Variants in CDH10 observed in about 807,000 individuals in gnomAD.
The protein encoded by CDH10 is cadherin 10.
A neutral mutation model predicts 73.1 loss-of-function variants in CDH10; 30 were observed. The ratio of observed to expected loss-of-function variants is 0.41; its 90% CI spans 0.31 to 0.56. The LOEUF (loss-of-function observed/expected upper bound fraction) is 0.56. CDH10 is among the 20% of genes least tolerant of loss of function. CDH10 has a pLI of 0.27. For missense variants in CDH10, 815 were observed against 973.7 expected (o/e 0.84, Z 2.17); for synonymous variants, 345 against 348.2 (o/e 0.99, Z 0.10).
intron 1 of CDH10, among the ~76,000 whole-genome samples, chr5:24,613,572 T>A (rs62349629): frequency 3.6e-5 from 5 of 140,400 alleles, no homozygotes; most frequent in Non-Finnish European, 6.3e-5. Context: ...ACCGTAAAAG[T>A]GAAAGAATGT....
At chr5:24,503,832 A>T (rs1742587435) in intron 8 of CDH10, among the ~76,000 whole-genome samples, 1 of 152,176 alleles carries the variant, frequency 6.6e-6, no homozygotes, top group Non-Finnish European at 1.5e-5. Context: ...GGCATATATG[A>T]TTAAATGTGA....
intron 1 of CDH10, among the ~76,000 whole-genome samples, chr5:24,615,987 G>A (rs1747113578): frequency 1.3e-5 from 2 of 152,016 alleles, no homozygotes; most frequent in East Asian, 1.9e-4. Flanking sequence ...AGCATGTCTT[G>A]TGTTTTAATT....
chr5:24,529,210 C>A (rs1481035612), intron 5 of CDH10, among the ~76,000 whole-genome samples: 1 of 151,950 alleles, frequency 6.6e-6, no homozygotes, highest in African/African-American at 2.4e-5. Context: ...AGTAGCCCTA[C>A]AATGGCATTC....
chr5:24,598,471 A>C (rs1579457779), intron 1 of CDH10, among the ~76,000 whole-genome samples: 2 of 152,118 alleles, frequency 1.3e-5, no homozygotes, highest in South Asian at 4.1e-4. Context: ...AGTATTTTTA[A>C]ATTGGATTGA....
chr5:24,567,703 T>C (rs1044886594), intron 2 of CDH10, among the ~76,000 whole-genome samples: 2 of 152,050 alleles, frequency 1.3e-5, no homozygotes, highest in Non-Finnish European at 2.9e-5. Flanking sequence ...ATTTGTATTT[T>C]CATGTAATTG....
At chr5:24,503,376 T>C (rs941301404) in intron 8 of CDH10, among the ~76,000 whole-genome samples, 2 of 152,218 alleles carry the variant, frequency 1.3e-5, no homozygotes, top group African/African-American at 2.4e-5. Context: ...TTAGCAAATT[T>C]GAACAGGTTT....
intron 2 of CDH10, chr5:24,578,392 C>A (rs1579834876): frequency 3.9e-6 from 1 of 258,242 alleles, no homozygotes; most frequent in Non-Finnish European, 8.4e-6. Flanking sequence ...TGTAGATGAC[C>A]AGAAGACACA....
chr5:24,512,047 T>G (rs1742934382), intron 5 of CDH10, among the ~76,000 whole-genome samples: 1 of 152,122 alleles, frequency 6.6e-6, no homozygotes, highest in Non-Finnish European at 1.5e-5. Flanking sequence ...CCAGGCCTAT[T>G]ACCTGGTCTA....
At chr5:24,619,418 C>A (rs1264828824) in intron 1 of CDH10, among the ~76,000 whole-genome samples, 1 of 152,156 alleles carries the variant, frequency 6.6e-6, no homozygotes, top group Non-Finnish European at 1.5e-5. Context: ...TGGTCTCAAT[C>A]TCCTGACCTC....
chr5:24,628,072 G>A (rs1280433981), intron 1 of CDH10, among the ~76,000 whole-genome samples: 1 of 152,116 alleles, frequency 6.6e-6, no homozygotes, highest in East Asian at 1.9e-4. Flanking sequence ...ACAAGATTAA[G>A]AGCAAATTGT....
intron 11 of CDH10, among the ~76,000 whole-genome samples, chr5:24,490,803 T>C (rs909204792): frequency 6.6e-6 from 1 of 152,186 alleles, no homozygotes; most frequent in African/African-American, 2.4e-5. Flanking sequence ...TAACTTTATT[T>C]TGTATATATG....
intron 5 of CDH10, among the ~76,000 whole-genome samples, chr5:24,533,525 T>C (rs991087934): frequency 2.6e-5 from 4 of 152,026 alleles, no homozygotes; most frequent in Non-Finnish European, 5.9e-5. Context: ...ATGTAAAATA[T>C]AATACTACTC....
intron 2 of CDH10, among the ~76,000 whole-genome samples, chr5:24,541,012 C>T (rs1257505012): frequency 3.3e-5 from 5 of 151,816 alleles, no homozygotes; most frequent in Admixed American, 3.3e-4. Context: ...CCTTACACTT[C>T]TTATGTTTTT....
intron 1 of CDH10, among the ~76,000 whole-genome samples, chr5:24,628,707 T>C (rs1747593560): frequency 6.6e-6 from 1 of 152,112 alleles, no homozygotes; most frequent in Admixed American, 6.6e-5. Flanking sequence ...TCAAGTTTCT[T>C]CACAAATGTA....
chr5:24,634,098 C>CA (rs962200539), intron 1 of CDH10, among the ~76,000 whole-genome samples: 21 of 151,452 alleles, frequency 1.4e-4, no homozygotes, highest in Admixed American at 1.3e-3. Flanking sequence ...TTCAGACATT[C>CA]AAAAAAACAC....
intron 5 of CDH10, among the ~76,000 whole-genome samples, chr5:24,521,553 G>A (rs781292523): frequency 1.1e-4 from 17 of 151,818 alleles, no homozygotes; most frequent in South Asian, 4.2e-4. Flanking sequence ...CGGAGGTTGC[G>A]GTGAGCTGAG....
At chr5:24,504,983 A>C in intron 8 of CDH10, 129 bp downstream of exon 8, 1 of 687,942 alleles carries the variant, frequency 1.5e-6, no homozygotes, top group Non-Finnish European at 2.3e-6. Context: ...AGAAAATTAA[A>C]ATTCATCTGT....
At chr5:24,585,668 C>T (rs1165923222) in intron 2 of CDH10, among the ~76,000 whole-genome samples, 1 of 152,144 alleles carries the variant, frequency 6.6e-6, no homozygotes, top group Non-Finnish European at 1.5e-5. Flanking sequence ...AGGTGATCCA[C>T]CTGTCTCAGC....
intron 1 of CDH10, among the ~76,000 whole-genome samples, chr5:24,642,455 C>G (rs77597364): frequency 5.3e-5 from 8 of 152,172 alleles, no homozygotes; most frequent in East Asian, 1.9e-4. Flanking sequence ...TTCAAGTAGT[C>G]TATTTTTCAA....
Sources: allele counts gnomAD v4.1 joint callset (sites outside exome capture counted in the v4.1 genomes callset), GRCh38; gene constraint gnomAD v4.1.1; transcripts MANE v1.5; gene names NCBI Gene and HGNC (gene_info 2026-07-23, HGNC 2026-07-21).